Variants in NCAM2 observed in about 807,000 individuals in gnomAD.
NCAM2 encodes neural cell adhesion molecule 2, also known as N-CAM-2.
NCAM2 carries 30 observed loss-of-function variants against 98.1 expected under a neutral mutation model. The ratio of observed to expected loss-of-function variants is 0.31; its 90% confidence interval spans 0.23 to 0.41. The LOEUF (loss-of-function observed/expected upper bound fraction) is 0.41, where lower values mean the gene tolerates loss of function less well. Ranked by LOEUF, NCAM2 falls within the 10% of genes least tolerant of loss-of-function variation. The pLI, the probability that NCAM2 is intolerant of heterozygous loss-of-function variation, is 1.00. For synonymous variants in NCAM2, 368 were observed against 342.4 expected (o/e 1.07, Z -0.83); for missense variants, 867 against 1,005.8 (o/e 0.86, Z 1.87).
At chr21:21,066,386 T>C (rs2146346049) in intron 1 of NCAM2, among the ~76,000 whole-genome samples, 1 of 152,214 alleles carries the variant, frequency 6.6e-6, no homozygotes. Flanking sequence ...ATATAGAATG[T>C]ATGACTCTAA....
Position 21,335,733 on chromosome 21 carries a change from A to G in NCAM2, c.898+68A>G, listed in dbSNP as rs2074847240. ...GAAGATCAGAGTGAAATTCTACTCT[A>G]ATCATTTGAACTATTTAAACTTTCC... On this transcript the variant is annotated intron_variant, in intron 7 of 17. Coordinates refer to ENST00000400546, the MANE Select transcript of NCAM2 (RefSeq NM_004540.5). The G allele has an allele frequency of 2.4e-6, 3 of 1,252,358 alleles. No individual in the cohort carries two copies. In the East Asian group the frequency reaches 8.3e-5, roughly 34 times the overall value. 77.6% of individuals were successfully genotyped at this position (1,252,358 alleles called of 1,614,324 possible). A position where few individuals can be genotyped will look rare whatever the true frequency, so the allele number is the denominator to read the frequency against.
intron 1 of NCAM2, among the ~76,000 whole-genome samples, chr21:21,180,587 T>C (rs1174642469): frequency 6.6e-6 from 1 of 152,174 alleles, no homozygotes; most frequent in Non-Finnish European, 1.5e-5. Flanking sequence ...GTTGAAGATA[T>C]AGATGTTTCC....
At chr21:21,014,168 G>A (rs539271376) in intron 1 of NCAM2, among the ~76,000 whole-genome samples, 17 of 152,222 alleles carry the variant, frequency 1.1e-4, no homozygotes, top group African/African-American at 3.1e-4. Context: ...ACGCTAAGTC[G>A]TAATCCCAGC....
intron 11 of NCAM2, 123 bp downstream of exon 11, chr21:21,418,692 T>C: frequency 2.6e-6 from 2 of 757,380 alleles, no homozygotes; most frequent in Non-Finnish European, 4.7e-6. Context: ...CTTGGAGATA[T>C]CAGGTAGACT....
intron 1 of NCAM2, among the ~76,000 whole-genome samples, chr21:21,245,373 CTTCTT>C (rs1015580417): frequency 5.3e-5 from 8 of 152,156 alleles, no homozygotes; most frequent in Admixed American, 4.6e-4. Context: ...GTGTTCGACC[CTTCTT>C]TTGTTTTGTT....
intron 1 of NCAM2, among the ~76,000 whole-genome samples, chr21:21,166,899 T>C (rs1211620053): frequency 2.0e-5 from 3 of 152,212 alleles, no homozygotes; most frequent in Non-Finnish European, 4.4e-5. Flanking sequence ...ATAGAATCTT[T>C]CTGGTCAGTC....
chr21:21,464,800 A>G (rs1334318121), intron 12 of NCAM2, among the ~76,000 whole-genome samples: 1 of 152,110 alleles, frequency 6.6e-6, no homozygotes, highest in African/African-American at 2.4e-5. Context: ...TAAATTATAT[A>G]CCATTAACTA....
intron 12 of NCAM2, among the ~76,000 whole-genome samples, chr21:21,446,105 G>A (rs1057162735): frequency 1.3e-5 from 2 of 151,960 alleles, no homozygotes; most frequent in South Asian, 2.1e-4. Flanking sequence ...TAGTTTGGCC[G>A]GGTATGAAAT....
intron 15 of NCAM2, among the ~76,000 whole-genome samples, chr21:21,487,420 TAAAA>T (rs1472039154): frequency 6.6e-6 from 1 of 152,148 alleles, no homozygotes; most frequent in East Asian, 1.9e-4. Context: ...GAGTTTTACA[TAAAA>T]TTCTGTCTCT....
chr21:21,245,441 GT>G (rs1186882698), intron 1 of NCAM2, among the ~76,000 whole-genome samples: 4 of 152,164 alleles, frequency 2.6e-5, no homozygotes, highest in African/African-American at 9.7e-5. Flanking sequence ...ATAAGCATCA[GT>G]TTTCGCTGTC....
chr21:21,143,854 A>T (rs1180688451), intron 1 of NCAM2, among the ~76,000 whole-genome samples: 1 of 143,156 alleles, frequency 7.0e-6, no homozygotes, highest in Non-Finnish European at 1.5e-5. Context: ...GTTTTTTAAG[A>T]TAACTTTCTA....
intron 12 of NCAM2, among the ~76,000 whole-genome samples, chr21:21,454,607 T>C (rs975476983): frequency 6.6e-6 from 1 of 152,016 alleles, no homozygotes; most frequent in African/African-American, 2.4e-5. Context: ...GGAAAGTTAT[T>C]TTTAATAACT....
intron 1 of NCAM2, among the ~76,000 whole-genome samples, chr21:21,074,880 A>G (rs1257128367): frequency 2.0e-5 from 3 of 152,232 alleles, no homozygotes; most frequent in African/African-American, 7.2e-5. Flanking sequence ...CTATAAAGAC[A>G]TGCACATGTA....
chr21:21,397,430 GCCTC>G lies in NCAM2; in HGVS notation c.1196-12838_1196-12835del, dbSNP rs2076534271. On this transcript the variant is annotated intron_variant, in intron 9 of 17. Coordinates refer to ENST00000400546, the MANE Select transcript of NCAM2 (RefSeq NM_004540.5). ...CTGAGCCACATTTAGTCTTCCCTCA[GCCTC>G]CCTCCTATGCTCCTAGGTGCCCAAT... Among the ~76,000 whole-genome samples, 5 of 152,258 alleles carry G rather than the reference GCCTC, an allele frequency of 3.3e-5. No individual in the cohort carries two copies. In the South Asian group the frequency reaches 1.0e-3, roughly 32 times the overall value.
intron 15 of NCAM2, among the ~76,000 whole-genome samples, chr21:21,485,779 C>G (rs934749212): frequency 2.6e-5 from 4 of 152,138 alleles, no homozygotes; most frequent in African/African-American, 9.7e-5. Context: ...GGGTTCTGGA[C>G]TCTGTGATTC....
chr21:21,147,182 G>T, intron 1 of NCAM2: 1 of 972,454 alleles, frequency 1.0e-6, no homozygotes. Context: ...TGGTACCGCT[G>T]CCTTCTACTT....
intron 1 of NCAM2, among the ~76,000 whole-genome samples, chr21:21,114,873 T>C (rs2066523484): frequency 6.6e-6 from 1 of 151,922 alleles, no homozygotes; most frequent in South Asian, 2.1e-4. Context: ...CAGGCTGGAA[T>C]GCAGTGGCAT....
chr21:21,062,838 A>G (rs1200149511), intron 1 of NCAM2, among the ~76,000 whole-genome samples: 1 of 152,226 alleles, frequency 6.6e-6, no homozygotes, highest in Admixed American at 6.5e-5. Context: ...ATTTAAAAAC[A>G]TTGTGTCATA....
intron 1 of NCAM2, among the ~76,000 whole-genome samples, chr21:21,071,656 A>G (rs1188501468): frequency 6.6e-6 from 1 of 152,228 alleles, no homozygotes; most frequent in Admixed American, 6.5e-5. Flanking sequence ...GCCATCCGTC[A>G]TAATATTAAC....
Sources: allele counts gnomAD v4.1 joint callset (sites outside exome capture counted in the v4.1 genomes callset), GRCh38; gene constraint gnomAD v4.1.1; transcripts MANE v1.5; gene names NCBI Gene and HGNC (gene_info 2026-07-23, HGNC 2026-07-21).